Variants in CD5L observed in about 807,000 individuals in gnomAD.
CD5L encodes CD5 molecule like.
Under a neutral mutation model 40.8 loss-of-function variants are expected in CD5L, and 39 were observed. That is an observed-to-expected ratio of 0.96 (90% CI 0.74 to 1.25). The LOEUF (loss-of-function observed/expected upper bound fraction) is 1.25, where lower values mean the gene tolerates loss of function less well. CD5L is among the 50% of genes most tolerant of loss of function. The pLI, the probability that CD5L is intolerant of heterozygous loss-of-function variation, is 0.00. For missense variants in CD5L, 433 were observed against 435.9 expected, an observed-to-expected ratio of 0.99 and a Z score of 0.06; for synonymous variants, 192 against 169.6, an observed-to-expected ratio of 1.13 and a Z score of -1.03.
In CD5L at chr1:157,841,694, A is replaced by C. The variant is rs776271438; in HGVS notation, c.8T>G (p.Leu3Arg). The change falls in exon 1 of 6, where the codon CTG (leucine) becomes CGG (arginine). Residue 3 changes from leucine (L) to arginine (R), a missense_variant. Transcript: ENST00000368174. ...CTCACCAAGGATCAAGGAGAATAGC[A>C]GAGCCATGACCAAGGCAGGTGAAGG... is the stretch of plus-strand genomic sequence containing the variant. MA[L>R]LFSLILAICT... 1 of 1,613,406 alleles carries C rather than the reference A, an allele frequency of 6.2e-7. No individual in the cohort carries two copies. Among genetic ancestry groups the C allele is most frequent in the Non-Finnish European group, 8.5e-7 (1 of 1,179,726 alleles).
Position 157,830,914 on chromosome 1 carries a change from T to G in CD5L, c.*1050A>C. On this transcript the variant is annotated 3_prime_UTR_variant, in exon 6 of 6. Coordinates refer to ENST00000368174, the MANE Select transcript of CD5L (RefSeq NM_005894.3). The stretch of plus-strand genomic sequence containing the variant: ...AGCATATCACACAGAGAGGCAATTG[T>G]TGAGACTGTGAAATCTGATTTATTA... The G allele has an allele frequency of 6.1e-6, 6 of 981,672 alleles. No individual in the cohort carries two copies. The highest frequency in any genetic ancestry group is 7.3e-6 in the Non-Finnish European group (6 of 826,506). 60.8% of individuals were successfully genotyped at this position (981,672 alleles called of 1,614,324 possible).
At position 157,834,483 on chromosome 1, in the gene CD5L, G is replaced by A; in HGVS notation, c.642C>T (p.Thr214=). The A allele has an allele frequency of 6.2e-7, 1 of 1,614,192 alleles. No individual in the cohort carries two copies. Among genetic ancestry groups the A allele is most frequent in the Non-Finnish European group, 8.5e-7 (1 of 1,180,054 alleles). ...AAGGCCCAGAAGGGCAATCCTGAAG[G>A]GTTGCTTCTCGTCCTGAGCATGACA... ...SQMSCSGREA[T]LQDCPSGPWG... The change falls in exon 4 of 6, where the codon ACC becomes ACT. Residue 214 remains threonine, a synonymous_variant. Coordinates refer to ENST00000368174, the MANE Select transcript of CD5L (RefSeq NM_005894.3).
In CD5L at chr1:157,831,287, T is replaced by C. The variant is rs115662283; in HGVS notation, c.*677A>G. ...TAGGGATGGACAACAAAGATTTTTA[T>C]TGGGGCAATCAGAGGATGAAACATC... On this transcript the variant is annotated 3_prime_UTR_variant, in exon 6 of 6. Transcript: ENST00000368174. 1.9e-4 allele frequency: 184 copies of C among 985,392 alleles called. No individual in the cohort carries two copies. In the African/African-American group the frequency reaches 2.9e-3, roughly 16 times the overall value. 61.0% of individuals were successfully genotyped at this position (985,392 alleles called of 1,614,324 possible). A position where few individuals can be genotyped will look rare whatever the true frequency, so the allele number is the denominator to read the frequency against.
At chr1:157,839,307 C>T (rs1656300526) in intron 2 of CD5L, 77 bp downstream of exon 2, 1 of 1,393,654 alleles carries the variant, frequency 7.2e-7, no homozygotes, top group Admixed American at 1.7e-5. Context: ...AAGTCTTTCT[C>T]TGTGGCTCAA....
chr1:157,831,940 G>T lies in CD5L; in HGVS notation c.*24C>A, dbSNP rs771726512. ...GCAGAGGGCAGGCGGGGCCAGGGGG[G>T]CCAGGTCAAGCAACACCAGGATACT... On this transcript the variant is annotated 3_prime_UTR_variant, in exon 6 of 6. Transcript: ENST00000368174. 1.3e-6 allele frequency: 2 copies of T among 1,575,202 alleles called. No homozygotes were observed. Among genetic ancestry groups the T allele is most frequent in the Middle Eastern group, 1.7e-4 (1 of 5,854 alleles).
intron 1 of CD5L, among the ~76,000 whole-genome samples, chr1:157,840,109 C>T (rs1468125205): frequency 6.6e-6 from 1 of 151,986 alleles, no homozygotes; most frequent in Non-Finnish European, 1.5e-5. Flanking sequence ...TGCTTTTTTC[C>T]TACCATTTAA....
rs572747111 is a variant in CD5L at position 157,833,700 on chromosome 1, G to A, written c.719-188C>T. On this transcript the variant is annotated intron_variant, in intron 4 of 5. Transcript: ENST00000368174. Reference sequence around the variant, plus strand: ...CACTCATTGCAGCCTCAACCTCGAGGGCCCTAGTGATCCTCCCACCTCAGC... The same window carrying A: ...CACTCATTGCAGCCTCAACCTCGAGAGCCCTAGTGATCCTCCCACCTCAGC... 2.0e-5 allele frequency among the ~76,000 whole-genome samples: 3 copies of A among 151,888 alleles called. No homozygotes were observed. In the East Asian group the frequency reaches 5.8e-4, roughly 29 times the overall value.
downstream of CD5L, among the ~76,000 whole-genome samples, chr1:157,828,489 A>G (rs928794457): frequency 6.6e-6 from 1 of 152,110 alleles, no homozygotes; most frequent in African/African-American, 2.4e-5. Context: ...CCCATACACA[A>G]GGTTTAACAC....
chr1:157,841,042 AT>A (rs1302072320), intron 1 of CD5L, among the ~76,000 whole-genome samples: 6 of 152,106 alleles, frequency 3.9e-5, no homozygotes, highest in South Asian at 4.1e-4. Context: ...ATAAAAAAAA[AT>A]ACTCCTAAAA....
chr1:157,840,538 T>TCAGAATGTG (rs1656341822), intron 1 of CD5L, among the ~76,000 whole-genome samples: 1 of 152,126 alleles, frequency 6.6e-6, no homozygotes. Flanking sequence ...CCCTTAATCT[T>TCAGAATGTG]CAGAATGTGG....
chr1:157,830,826 C>T (rs900661372), downstream of CD5L: 3 of 492,590 alleles, frequency 6.1e-6, no homozygotes, highest in African/African-American at 6.3e-5. Context: ...TCTCTTCTAC[C>T]TAACCCTGTT....
chr1:157,831,770 C>T lies in CD5L; in HGVS notation c.*194G>A, dbSNP rs1557939262. ...CCCAGCAAGAGGGAACTCAACAGCTCACATCTACAGGCAGCAATGGGGGCT... is the reference window on the plus strand; with the variant it reads ...CCCAGCAAGAGGGAACTCAACAGCTTACATCTACAGGCAGCAATGGGGGCT... On this transcript the variant is annotated 3_prime_UTR_variant, in exon 6 of 6. Transcript: ENST00000368174. 7.7e-7 allele frequency: 1 copy of T among 1,290,794 alleles called. No individual in the cohort carries two copies. 80.0% of individuals were successfully genotyped at this position (1,290,794 alleles called of 1,614,324 possible).
At chr1:157,836,354 A>G (rs1339065845) in intron 2 of CD5L, among the ~76,000 whole-genome samples, 199 bp from the exon 3 acceptor site, 1 of 152,202 alleles carries the variant, frequency 6.6e-6, no homozygotes, top group Non-Finnish European at 1.5e-5. Context: ...CTACAGCCTT[A>G]ATGGTACCCT....
rs763705151 is a variant in CD5L at position 157,841,690 on chromosome 1, T to C, written c.12A>G (p.Leu4=). The C allele has an allele frequency of 2.5e-6, 4 of 1,613,264 alleles. No individual in the cohort carries two copies. The highest frequency in any genetic ancestry group is 3.4e-6 in the Non-Finnish European group (4 of 1,179,674). Residue 4 remains leucine, a synonymous_variant, in exon 1 of 6, where the codon CTA becomes CTG. Transcript: ENST00000368174. MAL[L]FSLILAICTR... ...GATACTCACCAAGGATCAAGGAGAA[T>C]AGCAGAGCCATGACCAAGGCAGGTG...
rs1403650559 is a variant in CD5L at position 157,832,062 on chromosome 1, G to A, written c.1040-94C>T. Reference sequence around the variant, plus strand: ...CACATTAGCTAAGGGAGAAGACTGGGGCTCAACATAGGAAAAAGAGCTAAG... The same window carrying A: ...CACATTAGCTAAGGGAGAAGACTGGAGCTCAACATAGGAAAAAGAGCTAAG... On this transcript the variant is annotated intron_variant, in intron 5 of 5. Transcript: ENST00000368174. The A allele has an allele frequency of 3.2e-5, 32 of 1,001,520 alleles. No individual in the cohort carries two copies. The Admixed American group carries it at 4.9e-4, about 15-fold the overall frequency. 62.0% of individuals were successfully genotyped at this position (1,001,520 alleles called of 1,614,324 possible).
In CD5L at chr1:157,831,855, T is replaced by G; in HGVS notation, c.*109A>C. 6.9e-7 allele frequency: 1 copy of G among 1,442,490 alleles called. No homozygotes were observed. Among genetic ancestry groups the G allele is most frequent in the Admixed American group, 2.6e-5 (1 of 38,302 alleles). 89.4% of individuals were successfully genotyped at this position (1,442,490 alleles called of 1,614,324 possible). A position where few individuals can be genotyped will look rare whatever the true frequency, so the allele number is the denominator to read the frequency against. ...TCAGACTCCTGAGGGGATGAGGGAG[T>G]AGTGGCTCAAGCCTGAGCCCCAGAA... is the stretch of plus-strand genomic sequence containing the variant. On this transcript the variant is annotated 3_prime_UTR_variant, in exon 6 of 6. Transcript: ENST00000368174.
In CD5L at chr1:157,833,447, T is replaced by C; in HGVS notation, c.784A>G (p.Lys262Glu). 6.2e-7 allele frequency: 1 copy of C among 1,614,114 alleles called. No homozygotes were observed. Among genetic ancestry groups the C allele is most frequent in the Non-Finnish European group, 8.5e-7 (1 of 1,180,000 alleles). ...TCACAGACAGAGCCCCATACGCCCT[T>C]GTGCAGCACCTCCAGTCGCCCAGAG... is the stretch of plus-strand genomic sequence containing the variant. ...LCSGRLEVLH[K>E]GVWGSVCDDN... Residue 262 changes from lysine (K) to glutamate (E), a missense_variant, in exon 5 of 6, where the codon AAG becomes GAG. Transcript: ENST00000368174.
rs1449070282 is a variant in CD5L at position 157,831,307 on chromosome 1, A to G, written c.*657T>C. The G allele has an allele frequency of 2.0e-6, 2 of 985,290 alleles. No individual in the cohort carries two copies. The highest frequency in any genetic ancestry group is 2.4e-6 in the Non-Finnish European group (2 of 829,932). The allele number at this position is 985,290 out of a possible 1,614,324, so 61.0% of individuals were successfully genotyped here. ...TTTTATTGGGGCAATCAGAGGATGA[A>G]ACATCATTTTTTACACGTCATGAAA... On this transcript the variant is annotated 3_prime_UTR_variant, in exon 6 of 6. Transcript: ENST00000368174.
rs1656199214 is a variant in CD5L at position 157,835,921 on chromosome 1, G to C, written c.290C>G (p.Thr97Arg). 3 of 1,614,148 alleles carry C rather than the reference G, an allele frequency of 1.9e-6. No individual in the cohort carries two copies. The highest frequency in any genetic ancestry group is 2.5e-6 in the Non-Finnish European group (3 of 1,179,996). ...QKVLIQSVSC[T>R]GTEDTLAQCE... ...CTGAGCCAATGTATCTTCTGTTCCTGTGCAACTGACTGATTGGATGAGGAC... is the reference window on the plus strand; with the variant it reads ...CTGAGCCAATGTATCTTCTGTTCCTCTGCAACTGACTGATTGGATGAGGAC... Residue 97 changes from threonine to arginine, a missense_variant, in exon 3 of 6, where the codon ACA becomes AGA. By Grantham distance (71) the Thr-to-Arg change is moderately conservative. Coordinates refer to ENST00000368174, the MANE Select transcript of CD5L (RefSeq NM_005894.3).
Sources: gnomAD v4.1 joint callset for allele counts (sites outside exome capture counted in the v4.1 genomes callset) on GRCh38, gnomAD v4.1.1 for gene constraint, MANE v1.5 for transcripts, NCBI Gene and HGNC (gene_info 2026-07-23, HGNC 2026-07-21) for gene names.